The following COL11A1 variants were observed in gnomAD, a reference collection of about 807,000 sequenced individuals.
COL11A1 encodes collagen alpha-1(XI) chain.
A neutral mutation model predicts 265.2 loss-of-function variants in COL11A1; 74 were observed. That is an observed-to-expected ratio of 0.28 (90% CI 0.23 to 0.34). The LOEUF (loss-of-function observed/expected upper bound fraction) is 0.34. Among genes scored for constraint, COL11A1 ranks in the 10% least tolerant of loss-of-function variants. The pLI is 1.00. For synonymous variants in COL11A1, 816 were observed against 727.6 expected (o/e 1.12, Z -1.96); for missense variants, 2,165 against 2,263.6 (o/e 0.96, Z 0.88).
At chr1:103,084,023 A>G (rs1571242091) in intron 1 of COL11A1, among the ~76,000 whole-genome samples, 1 of 152,198 alleles carries the variant, frequency 6.6e-6, no homozygotes, top group African/African-American at 2.4e-5. Context: ...CATACCATAC[A>G]AAACACCCAC....
intron 7 of COL11A1, among the ~76,000 whole-genome samples, chr1:103,024,322 G>A (rs1337641695): frequency 1.3e-5 from 2 of 151,998 alleles, no homozygotes; most frequent in Non-Finnish European, 2.9e-5. Context: ...TGTAAAGACA[G>A]GATCTTATTG....
intron 1 of COL11A1, among the ~76,000 whole-genome samples, chr1:103,096,545 G>C (rs1673781544): frequency 6.6e-6 from 1 of 151,926 alleles, no homozygotes; most frequent in South Asian, 2.1e-4. Flanking sequence ...AGAAATCATT[G>C]AGTAGGCAGT....
intron 4 of COL11A1, among the ~76,000 whole-genome samples, chr1:103,039,256 C>T (rs1668623295): frequency 6.6e-6 from 1 of 152,110 alleles, no homozygotes; most frequent in African/African-American, 2.4e-5. Flanking sequence ...TTTGATATGA[C>T]AGTCCGTACT....
Position 102,946,914 on chromosome 1 carries a change from T to C in COL11A1, c.3211A>G (p.Ile1071Val), listed in dbSNP as rs368743921. 2.1e-5 allele frequency: 34 copies of C among 1,613,272 alleles called. No homozygotes were observed. Among genetic ancestry groups the C allele is most frequent in the South Asian group, 6.6e-5 (6 of 90,862 alleles). ...GGTCCCGGGCGCCCTGGTAAACCAA[T>C]TGGGCCAGCTGTACCTGCTGACCCA... ...ERGSAGTAGP[I>V]GLPGRPGPQG... Residue 1071 changes from isoleucine (I) to valine (V), a missense_variant, in exon 42 of 67, where the codon ATT becomes GTT. Coordinates refer to ENST00000370096, the MANE Select transcript of COL11A1 (RefSeq NM_001854.4).
intron 54 of COL11A1, among the ~76,000 whole-genome samples, chr1:102,911,112 A>G (rs1224531214): frequency 1.3e-5 from 2 of 152,132 alleles, no homozygotes; most frequent in African/African-American, 2.4e-5. Flanking sequence ...GGATAAATCT[A>G]TTGACACTGA....
At chr1:102,913,861 C>A (rs1654993890) in intron 52 of COL11A1, among the ~76,000 whole-genome samples, 171 bp from the exon 53 acceptor site, 1 of 152,002 alleles carries the variant, frequency 6.6e-6, no homozygotes, top group African/African-American at 2.4e-5. Context: ...ACCTCTCACT[C>A]TCCGCAAAAA....
chr1:102,881,780 CAGAAA>C lies in COL11A1; in HGVS notation c.4972-20_4972-16del, dbSNP rs1650272923. ...GAAATTCTTACCTGTTGCAAAGGAA[CAGAAA>C]AGTTAGTGAGTAGGTGAAAATTTAC... On this transcript the variant is annotated splice_polypyrimidine_tract_variant and intron_variant, in intron 64 of 66. Coordinates refer to ENST00000370096, the MANE Select transcript of COL11A1 (RefSeq NM_001854.4). 6.2e-7 allele frequency: 1 copy of C among 1,609,372 alleles called. No homozygotes were observed. The highest frequency in any genetic ancestry group is 1.3e-5 in the African/African-American group (1 of 74,728).
chr1:103,080,761 T>G (rs1257690649), intron 2 of COL11A1, among the ~76,000 whole-genome samples: 1 of 151,858 alleles, frequency 6.6e-6, no homozygotes, highest in South Asian at 2.1e-4. Context: ...AGTAAAAAAT[T>G]TCCTCAAAAA....
intron 46 of COL11A1, among the ~76,000 whole-genome samples, chr1:102,930,449 A>G (rs1429564065): frequency 2.0e-5 from 3 of 152,092 alleles, no homozygotes; most frequent in Non-Finnish European, 4.4e-5. Context: ...AGCCCACTTC[A>G]TCATGGTGGA....
At chr1:103,034,524 C>T (rs1668215400) in intron 4 of COL11A1, among the ~76,000 whole-genome samples, 1 of 152,052 alleles carries the variant, frequency 6.6e-6, no homozygotes, top group African/African-American at 2.4e-5. Flanking sequence ...TACAGTACTA[C>T]AATTTAGTAT....
In COL11A1 at chr1:102,998,367, A is replaced by T. The variant is rs1238265333; in HGVS notation, c.2143-4T>A. 1 of 1,565,270 alleles carries T rather than the reference A, an allele frequency of 6.4e-7. No homozygotes were observed. The highest frequency in any genetic ancestry group is 1.4e-5 in the African/African-American group (1 of 72,372). ...GTCCTGGTTTTCCTTGTGGTCCCTT[A>T]TAGAGAAAAAAAAAATATTAAAAAG... On this transcript the variant is annotated splice_region_variant and splice_polypyrimidine_tract_variant and intron_variant, in intron 24 of 66. Transcript: ENST00000370096.
intron 41 of COL11A1, among the ~76,000 whole-genome samples, chr1:102,949,112 A>G (rs1247341634): frequency 6.6e-6 from 1 of 152,082 alleles, no homozygotes; most frequent in African/African-American, 2.4e-5. Context: ...CTTTTTTGGT[A>G]ACAGAAACAC....
At chr1:103,029,458 C>T (rs1399483119) in intron 5 of COL11A1, among the ~76,000 whole-genome samples, 1 of 151,792 alleles carries the variant, frequency 6.6e-6, no homozygotes. Context: ...CTTACTAATT[C>T]AATTAAGTAG....
chr1:103,022,913 T>A lies in COL11A1; in HGVS notation c.1074A>T (p.Thr358=). Residue 358 remains threonine (T), a synonymous_variant, in exon 8 of 67, where the codon ACA becomes ACT. Transcript: ENST00000370096. ...YDSQRKNSED[T]LYENKEIDGR... ...CGTCTATTTCTTTGTTTTCATATAG[T>A]GTATCCTCAGAATTTTTCCTCTGGG... 6.2e-7 allele frequency: 1 copy of A among 1,613,816 alleles called. No homozygotes were observed. The highest frequency in any genetic ancestry group is 8.5e-7 in the Non-Finnish European group (1 of 1,179,894).
intron 4 of COL11A1, among the ~76,000 whole-genome samples, chr1:103,034,026 CT>C (rs573100566): frequency 1.0e-3 from 153 of 152,196 alleles, no homozygotes; most frequent in African/African-American, 3.3e-3. Flanking sequence ...ATATGTTACC[CT>C]ACTACTTCAT....
At chr1:103,092,143 G>A (rs974474691) in intron 1 of COL11A1, among the ~76,000 whole-genome samples, 1 of 152,040 alleles carries the variant, frequency 6.6e-6, no homozygotes, top group Non-Finnish European at 1.5e-5. Flanking sequence ...GCATCCCATT[G>A]TTGCCTATTT....
rs187960666 is a variant in COL11A1 at position 103,072,424 on chromosome 1, T to A, written c.651+2194A>T. Among the ~76,000 whole-genome samples the A allele has an allele frequency of 1.5e-4, 23 of 152,024 alleles. No individual in the cohort carries two copies. In the East Asian group the frequency reaches 4.2e-3, roughly 28 times the overall value. On this transcript the variant is annotated intron_variant, in intron 4 of 66. Coordinates refer to ENST00000370096, the MANE Select transcript of COL11A1 (RefSeq NM_001854.4). ...TCAGACTAATGAATCACTGGTATTA[T>A]CATATTATCTTCATCATCACAACTA...
rs564221355 is a variant in COL11A1 at position 103,000,193 on chromosome 1, A to G, written c.2142+1732T>C. Among the ~76,000 whole-genome samples the G allele has an allele frequency of 1.4e-4, 21 of 152,010 alleles. No homozygotes were observed. In the South Asian group the frequency reaches 4.1e-3, roughly 30 times the overall value. On this transcript the variant is annotated intron_variant, in intron 24 of 66. Transcript: ENST00000370096. ...TTTAATAGGTGCATGTGTCAAGTGC[A>G]ATACAAAATAAATATAGTATATTTT...
chr1:102,888,376 G>A (rs911334207), intron 62 of COL11A1, among the ~76,000 whole-genome samples: 1 of 152,070 alleles, frequency 6.6e-6, no homozygotes, highest in Non-Finnish European at 1.5e-5. Context: ...ATACAATTAA[G>A]GCATTTATAT....
Sources: gnomAD v4.1 joint callset for allele counts (sites outside exome capture counted in the v4.1 genomes callset) on GRCh38, gnomAD v4.1.1 for gene constraint, MANE v1.5 for transcripts, NCBI Gene and HGNC (gene_info 2026-07-23, HGNC 2026-07-21) for gene names.